UNC13A: variants seen among roughly 807,000 people sequenced by gnomAD.
UNC13A encodes unc-13 homolog A.
Under a neutral mutation model 219.7 loss-of-function variants are expected in UNC13A, and 61 were observed. The ratio of observed to expected loss-of-function variants is 0.28; its 90% CI spans 0.23 to 0.34. The LOEUF (loss-of-function observed/expected upper bound fraction) is 0.34, where lower values mean the gene tolerates loss of function less well. Ranked by LOEUF, UNC13A falls within the 10% of genes least tolerant of loss-of-function variation. The pLI is 1.00. For missense variants in UNC13A, 1,476 were observed against 2,270.3 expected, an observed-to-expected ratio of 0.65 and a Z score of 7.11; for synonymous variants, 920 against 884.6, an observed-to-expected ratio of 1.04 and a Z score of -0.71.
rs749080373 is a variant in UNC13A, at chr19:17,676,069, G to A, written c.23-28C>T. On this transcript the variant is annotated intron_variant, in intron 1 of 43. Coordinates refer to ENST00000519716, the MANE Select transcript of UNC13A (RefSeq NM_001080421.3). ...GTGGAGAGAGACAGAGATAGGGAAG[G>A]GAGGTGGGGAGAGATGTGGGGAGGA... 1.2e-5 allele frequency: 18 copies of A among 1,551,504 alleles called. No homozygotes were observed. The Admixed American group carries it at 2.2e-4, about 19-fold the overall frequency.
chr19:17,648,744 C>T, intron 15 of UNC13A, 94 bp from the exon 16 acceptor site: 2 of 1,524,384 alleles, frequency 1.3e-6, no homozygotes, highest in Non-Finnish European at 1.8e-6. Flanking sequence ...GCGGTAAAGT[C>T]CCAGGCCCTC....
intron 19 of UNC13A, 70 bp downstream of exon 19, chr19:17,645,604 C>G: frequency 1.9e-6 from 3 of 1,590,134 alleles, no homozygotes; most frequent in Non-Finnish European, 2.6e-6. Context: ...CTCTGCTCTT[C>G]GTGGGCTCCA....
intron 38 of UNC13A, among the ~76,000 whole-genome samples, chr19:17,619,438 CTTTT>C (rs3049774): frequency 2.2e-5 from 2 of 90,260 alleles, no homozygotes; most frequent in Non-Finnish European, 5.9e-5. Context: ...TTTTTCTTTT[CTTTT>C]TTTTTTTTTT....
chr19:17,625,931 A>G (rs1314195477), intron 34 of UNC13A, among the ~76,000 whole-genome samples: 2 of 148,594 alleles, frequency 1.3e-5, no homozygotes, highest in Admixed American at 1.4e-4. Flanking sequence ...CCATCCATCC[A>G]TTCATCCATC....
intron 34 of UNC13A, among the ~76,000 whole-genome samples, chr19:17,625,856 C>T (rs1376327764): frequency 6.6e-6 from 1 of 151,236 alleles, no homozygotes; most frequent in Non-Finnish European, 1.5e-5. Flanking sequence ...CATCCATCCA[C>T]CCATCTGTCC....
chr19:17,615,728 G>C (rs1347424608), intron 41 of UNC13A, among the ~76,000 whole-genome samples: 1 of 151,992 alleles, frequency 6.6e-6, no homozygotes, highest in East Asian at 1.9e-4. Context: ...AGAAATGCCT[G>C]GCACAAGGTC....
chr19:17,680,213 GTC>G (rs1435150221), intron 1 of UNC13A, among the ~76,000 whole-genome samples: 2 of 152,096 alleles, frequency 1.3e-5, no homozygotes, highest in African/African-American at 4.8e-5. Context: ...AAGGAACCCA[GTC>G]TCTCTCCCTG....
At chr19:17,631,155 C>CTCCCTCCCTCCT (rs2076843258) in intron 28 of UNC13A, among the ~76,000 whole-genome samples, 1 of 16,424 alleles carries the variant, frequency 6.1e-5, no homozygotes, top group Non-Finnish European at 1.6e-4. Context: ...CTCTTGTTTT[C>CTCCCTCCCTCCT]TCCCTCCCTC....
At chr19:17,628,285 ACAGC>A (rs1439062199) in intron 31 of UNC13A, 2 of 312,690 alleles carry the variant, frequency 6.4e-6, no homozygotes, top group African/African-American at 4.3e-5. Flanking sequence ...TTCATTTGCA[ACAGC>A]CAGACAGTGA....
chr19:17,622,003 G>T (rs2144967840), intron 36 of UNC13A, 133 bp from the exon 37 acceptor site: 3 of 891,474 alleles, frequency 3.4e-6, no homozygotes, highest in Non-Finnish European at 3.7e-6. Flanking sequence ...GTTGCATGGG[G>T]ATAGTGTGTT....
intron 3 of UNC13A, among the ~76,000 whole-genome samples, chr19:17,673,585 C>T (rs573019735): frequency 2.8e-4 from 42 of 150,206 alleles, no homozygotes; most frequent in African/African-American, 2.2e-4. Flanking sequence ...CCCAGCTACT[C>T]GGGAGGCTAA....
chr19:17,684,849 T>C (rs1001005850), intron 1 of UNC13A, among the ~76,000 whole-genome samples: 1 of 152,216 alleles, frequency 6.6e-6, no homozygotes, highest in African/African-American at 2.4e-5. Context: ...GGGGTGTCAC[T>C]ACATCAGAGA....
At chr19:17,607,557 C>T (rs1017541318) in intron 43 of UNC13A, among the ~76,000 whole-genome samples, 1 of 148,928 alleles carries the variant, frequency 6.7e-6, no homozygotes, top group Non-Finnish European at 1.5e-5. Context: ...GAATTACAAG[C>T]GTCAGCCACC....
chr19:17,675,925 T>G, intron 2 of UNC13A, 87 bp downstream of exon 2: 1 of 1,485,582 alleles, frequency 6.7e-7, no homozygotes. Flanking sequence ...CAACTCTAAG[T>G]CTGGGCTGGG....
chr19:17,651,390 A>AT (rs916115072), intron 12 of UNC13A, among the ~76,000 whole-genome samples: 5 of 151,878 alleles, frequency 3.3e-5, no homozygotes, highest in South Asian at 2.1e-4. Flanking sequence ...CACCTGGCTA[A>AT]TTTTTTGTAT....
chr19:17,663,640 C>A, intron 7 of UNC13A, 73 bp from the exon 8 acceptor site: 1 of 1,485,922 alleles, frequency 6.7e-7, no homozygotes, highest in Non-Finnish European at 9.2e-7. Flanking sequence ...GGCTCCCCTG[C>A]TGTCCTCACT....
rs1270248820 is a variant in UNC13A at position 17,660,533 on chromosome 19, G to GA, written c.560-2265_560-2264insT. On this transcript the variant is annotated intron_variant, in intron 8 of 43. Transcript: ENST00000519716. The stretch of plus-strand genomic sequence containing the variant: ...TTGTTTTGTTTGTTTGTTGGTTTTT[G>GA]GGTTTTTTTTTTTTTTGAGACAGAG... Among the ~76,000 whole-genome samples the GA allele has an allele frequency of 3.3e-4, 23 of 68,936 alleles. No homozygotes were observed. The South Asian group carries it at 8.2e-3, about 25-fold the overall frequency. The allele number at this position is 68,936 out of a possible 152,430, so 45.2% of individuals were successfully genotyped here.
Position 17,676,031 on chromosome 19 carries a change from G to A in UNC13A, c.33C>T (p.Ala11=), listed in dbSNP as rs557465591. 6.4e-7 allele frequency: 1 copy of A among 1,551,618 alleles called. No homozygotes were observed. The highest frequency in any genetic ancestry group is 2.4e-5 in the East Asian group (1 of 40,908). ...ACTTACCTTGGGCACCATCAAACTT[G>A]GCTTTTTTGACTGTGGAGAGAGACA... is the stretch of plus-strand genomic sequence containing the variant. MSLLCVGVKK[A]KFDGAQEKFN... The change falls in exon 2 of 44, where the codon GCC becomes GCT. Residue 11 remains alanine, a synonymous_variant. Coordinates refer to ENST00000519716, the MANE Select transcript of UNC13A (RefSeq NM_001080421.3).
At chr19:17,661,653 C>T (rs1254964355) in intron 8 of UNC13A, among the ~76,000 whole-genome samples, 1 of 151,738 alleles carries the variant, frequency 6.6e-6, no homozygotes, top group Non-Finnish European at 1.5e-5. Flanking sequence ...GTGATCGCAC[C>T]ACTATACTCC....
Sources: allele counts gnomAD v4.1 joint callset (sites outside exome capture counted in the v4.1 genomes callset), GRCh38; gene constraint gnomAD v4.1.1; transcripts MANE v1.5; gene names NCBI Gene and HGNC (gene_info 2026-07-23, HGNC 2026-07-21).